The following APC2 variants were observed in gnomAD, a reference collection of about 807,000 sequenced individuals.
APC2 encodes the protein adenomatous polyposis coli protein 2.
In APC2, 41 loss-of-function variants were observed where a neutral mutation model predicts 72.5. That is an observed-to-expected ratio of 0.57 (90% confidence interval 0.44 to 0.73). The LOEUF (loss-of-function observed/expected upper bound fraction) is 0.73. Ranked by LOEUF, APC2 falls within the 30% of genes least tolerant of loss-of-function variation. The pLI is 0.00. For synonymous variants in APC2, 1,898 were observed against 1,612.0 expected (o/e 1.18, Z -4.25); for missense variants, 3,729 against 3,403.4 (o/e 1.10, Z -2.38).
upstream of APC2, chr19:1,446,237 C>A (rs1257436046): frequency 1.6e-5 from 16 of 980,014 alleles, no homozygotes; most frequent in African/African-American, 1.8e-5. The surrounding 1 kb of genome is among the most constrained non-coding windows in gnomAD (Gnocchi z 6.1). Context: ...CGCACCCCCA[C>A]CCTGGCCGCC....
chr19:1,453,392 G>A (rs1426617974), intron 3 of APC2, 39 bp from the exon 4 acceptor site: 1 of 1,610,344 alleles, frequency 6.2e-7, no homozygotes. Context: ...GGAAAGGCAG[G>A]CAGGGCCGCT....
rs10413634 is a variant in APC2, at chr19:1,466,253, C to T, written c.2952C>T (p.Thr984=). 1.3e-6 allele frequency: 2 copies of T among 1,533,476 alleles called. No homozygotes were observed. Among genetic ancestry groups the T allele is most frequent in the African/African-American group, 1.4e-5 (1 of 72,424 alleles). The allele number at this position is 1,533,476 out of a possible 1,614,324, so 95.0% of individuals were successfully genotyped here. A position where few individuals can be genotyped will look rare whatever the true frequency, so the allele number is the denominator to read the frequency against. ...CCGAGCCCCCGGCCCGCGAGGCCAC[C>T]TCCGCCGACGCCCGCGTGCGCACCA... ...CQAEPPAREA[T]SADARVRTIK... Residue 984 remains threonine (T), a synonymous_variant, in exon 15 of 15, where the codon ACC becomes ACT. Transcript: ENST00000590469.
In APC2 at chr19:1,467,582, A is replaced by G; in HGVS notation, c.4281A>G (p.Arg1427=). ...CCGGGGGACCAGCGGGCAGGCAAAG[A>G]CCCACCGGCCGCCCCACCTCTGCCA... is the stretch of plus-strand genomic sequence containing the variant. The part of the protein sequence containing the change: ...DQPGGPAGRQ[R]PTGRPTSARQ... The change falls in exon 15 of 15, where the codon AGA becomes AGG. Residue 1427 remains arginine (R), a synonymous_variant. Transcript: ENST00000590469. 1 of 1,512,206 alleles carries G rather than the reference A, an allele frequency of 6.6e-7. No homozygotes were observed. The highest frequency in any genetic ancestry group is 2.0e-5 in the Admixed American group (1 of 48,920). The allele number at this position is 1,512,206 out of a possible 1,614,324, so 93.7% of individuals were successfully genotyped here.
upstream of APC2, among the ~76,000 whole-genome samples, chr19:1,447,151 C>A (rs936726125): frequency 1.3e-5 from 2 of 152,218 alleles, no homozygotes; most frequent in Admixed American, 6.5e-5. Flanking sequence ...CTCCGGTGGC[C>A]TCCTCACCGG....
chr19:1,456,050 A>T, intron 6 of APC2, 26 bp from the exon 7 acceptor site: 2 of 1,528,840 alleles, frequency 1.3e-6, no homozygotes, highest in Non-Finnish European at 1.8e-6. Flanking sequence ...CAGCTCCAGC[A>T]CTTGCCCTCG....
chr19:1,465,055 C>T, intron 14 of APC2, 100 bp from the exon 15 acceptor site: 2 of 1,344,852 alleles, frequency 1.5e-6, no homozygotes, highest in Non-Finnish European at 2.0e-6. Context: ...CAAACCTAAC[C>T]AGATGCGTTT....
At position 1,469,610 on chromosome 19, in the gene APC2, G is replaced by T. The variant is rs145335448; in HGVS notation, c.6309G>T (p.Pro2103=). The T allele has an allele frequency of 7.9e-7, 1 of 1,258,272 alleles. No individual in the cohort carries two copies. Among genetic ancestry groups the T allele is most frequent in the Admixed American group, 3.5e-5 (1 of 28,932 alleles). 77.9% of individuals were successfully genotyped at this position (1,258,272 alleles called of 1,614,324 possible). A position where few individuals can be genotyped will look rare whatever the true frequency, so the allele number is the denominator to read the frequency against. ...CTGTCAAGCGCTACGCGTCGCTGCC[G>T]CACATCAGCGTGGCCCGCAGGCCCG... is the stretch of plus-strand genomic sequence containing the variant. ...PETVKRYASL[P]HISVARRPDG... is the part of the protein sequence containing the mutation. The change falls in exon 15 of 15, where the codon CCG becomes CCT. Residue 2103 remains proline (P), a synonymous_variant. Transcript: ENST00000590469.
upstream of APC2, chr19:1,450,033 A>C: frequency 1.3e-6 from 1 of 780,230 alleles, no homozygotes; most frequent in Non-Finnish European, 1.6e-6. Flanking sequence ...CCGGGCCGCC[A>C]TTGGCTGTTG....
chr19:1,471,547 G>A lies in APC2; in HGVS notation c.*1334G>A, dbSNP rs1290451777. 6.6e-6 allele frequency: 1 copy of A among 152,220 alleles called. No homozygotes were observed. Among genetic ancestry groups the A allele is most frequent in the Non-Finnish European group, 1.5e-5 (1 of 68,042 alleles). 9.4% of individuals were successfully genotyped at this position (152,220 alleles called of 1,614,324 possible). ...TGGGACTCGCAGGGGCCGGGTCTCC[G>A]TGACTGGGGCAACGCCTCGTCCTGC... On this transcript the variant is annotated 3_prime_UTR_variant, in exon 15 of 15. Transcript: ENST00000590469.
chr19:1,462,080 A>C lies in APC2; in HGVS notation c.1756A>C (p.Thr586Pro). 6.2e-7 allele frequency: 1 copy of C among 1,612,904 alleles called. No homozygotes were observed. Among genetic ancestry groups the C allele is most frequent in the Non-Finnish European group, 8.5e-7 (1 of 1,179,982 alleles). The change falls in exon 14 of 15, where the codon ACC (threonine) becomes CCC (proline). Residue 586 changes from threonine (T) to proline (P), a missense_variant. By Grantham distance (38) the Thr-to-Pro change is conservative. Transcript: ENST00000590469. ...GALGFLVSTL[T>P]YKCQSNSLAI... is the part of the protein sequence containing the mutation. The stretch of plus-strand genomic sequence containing the variant: ...CCTGGGCTTCCTGGTGAGCACCCTG[A>C]CCTACAAGTGTCAGAGCAACTCGCT...
In APC2 at chr19:1,467,842, C is replaced by T. The variant is rs777147894; in HGVS notation, c.4541C>T (p.Ser1514Leu). ...EAVYCFYGND[S>L]DEEPPAAAPT... ...GTGTACTGCTTCTACGGCAACGACT[C>T]GGACGAGGAGCCCCCGGCGGCCGCG... The change falls in exon 15 of 15, where the codon TCG (serine) becomes TTG (leucine). Residue 1514 changes from serine to leucine, a missense_variant. Coordinates refer to ENST00000590469, the MANE Select transcript of APC2 (RefSeq NM_005883.3). 3.3e-6 allele frequency: 5 copies of T among 1,532,132 alleles called. No individual in the cohort carries two copies. Among genetic ancestry groups the T allele is most frequent in the African/African-American group, 1.4e-5 (1 of 71,152 alleles). The allele number at this position is 1,532,132 out of a possible 1,614,324, so 94.9% of individuals were successfully genotyped here.
chr19:1,469,555 C>G lies in APC2; in HGVS notation c.6254C>G (p.Pro2085Arg). The G allele has an allele frequency of 8.1e-7, 1 of 1,231,086 alleles. No individual in the cohort carries two copies. Among genetic ancestry groups the G allele is most frequent in the Non-Finnish European group, 1.0e-6 (1 of 971,764 alleles). The allele number at this position is 1,231,086 out of a possible 1,614,324, so 76.3% of individuals were successfully genotyped here. The change falls in exon 15 of 15, where the codon CCT becomes CGT. Residue 2085 changes from proline to arginine, a missense_variant. By Grantham distance (103) the Pro-to-Arg change is moderately radical. Transcript: ENST00000590469. Reference protein sequence around the residue: ...RTTSESPSRLPVRAPAARPET... With the variant: ...RTTSESPSRLRVRAPAARPET... ...ACCTCCGAGAGCCCGTCCCGCCTGC[C>G]TGTGCGCGCGCCCGCCGCCCGGCCG... is the stretch of plus-strand genomic sequence containing the variant.
rs1200617365 is a variant in APC2 at position 1,470,602 on chromosome 19, T to C, written c.*389T>C. 2 of 178,300 alleles carry C rather than the reference T, an allele frequency of 1.1e-5. No individual in the cohort carries two copies. Among genetic ancestry groups the C allele is most frequent in the African/African-American group, 4.7e-5 (2 of 42,426 alleles). The allele number at this position is 178,300 out of a possible 1,614,324, so 11.0% of individuals were successfully genotyped here. On this transcript the variant is annotated 3_prime_UTR_variant, in exon 15 of 15. Transcript: ENST00000590469. ...GTCCGCTGCTTCGCAGGGACAGCGC[T>C]GGGGAGGTGACGGCGCCCGCCGCAG...
chr19:1,466,195 G>A lies in APC2; in HGVS notation c.2894G>A (p.Ser965Asn). Reference sequence around the variant, plus strand: ...CCCAGGTGTGGGCAGCCTCGGCCCAGCCGGCTTGACCTTGACCTGCCCGGC... The same window carrying A: ...CCCAGGTGTGGGCAGCCTCGGCCCAACCGGCTTGACCTTGACCTGCCCGGC... ...EDPRCGQPRP[S>N]RLDLDLPGCQ... is the part of the protein sequence containing the mutation. Residue 965 changes from serine (S) to asparagine (N), a missense_variant, in exon 15 of 15, where the codon AGC becomes AAC. Physicochemically the swap from Ser to Asn is conservative, Grantham distance 46. Transcript: ENST00000590469. 1 of 1,558,884 alleles carries A rather than the reference G, an allele frequency of 6.4e-7. No individual in the cohort carries two copies.
At chr19:1,455,022 G>T in intron 4 of APC2, 127 bp from the exon 5 acceptor site, 1 of 454,688 alleles carries the variant, frequency 2.2e-6, no homozygotes. Flanking sequence ...GGAGTGCCAC[G>T]GGAGAGACCT....
Position 1,460,874 on chromosome 19 carries a change from T to C in APC2, c.1521+17T>C. 2 of 1,612,926 alleles carry C rather than the reference T, an allele frequency of 1.2e-6. No homozygotes were observed. The highest frequency in any genetic ancestry group is 2.2e-5 in the East Asian group (1 of 44,866). On this transcript the variant is annotated intron_variant, in intron 12 of 14. Coordinates refer to ENST00000590469, the MANE Select transcript of APC2 (RefSeq NM_005883.3). Reference sequence around the variant, plus strand: ...CTCCACCAGGTACAGGGCGGGGTGCTGGGAAAGCCTTCCAGGGTGTCCCTG... The same window carrying C: ...CTCCACCAGGTACAGGGCGGGGTGCCGGGAAAGCCTTCCAGGGTGTCCCTG...
upstream of APC2, among the ~76,000 whole-genome samples, chr19:1,449,426 G>A (rs940759845): frequency 6.6e-6 from 1 of 152,150 alleles, no homozygotes; most frequent in East Asian, 1.9e-4. Context: ...TCTGGCCTTC[G>A]GTCCGTGAGG....
rs2084071432 is a variant in APC2, at chr19:1,468,652, T to G, written c.5351T>G (p.Val1784Gly). The G allele has an allele frequency of 8.2e-6, 13 of 1,588,048 alleles. No homozygotes were observed. The highest frequency in any genetic ancestry group is 1.4e-5 in the African/African-American group (1 of 73,978). ...PRGTQKTTPG[V>G]PAVLRGRTVI... ...GGCACACAGAAGACCACGCCCGGGGTGCCAGCTGTGCTCCGGGGACGAACA... is the reference window on the plus strand; with the variant it reads ...GGCACACAGAAGACCACGCCCGGGGGGCCAGCTGTGCTCCGGGGACGAACA... The change falls in exon 15 of 15, where the codon GTG becomes GGG. Residue 1784 changes from valine (V) to glycine (G), a missense_variant. Transcript: ENST00000590469.
chr19:1,464,057 C>A (rs1210761440), intron 14 of APC2, among the ~76,000 whole-genome samples: 4 of 151,974 alleles, frequency 2.6e-5, no homozygotes, highest in Non-Finnish European at 4.4e-5. Context: ...GCCTGTAATC[C>A]CAGCACTTTG....
Sources: allele counts gnomAD v4.1 joint callset (sites outside exome capture counted in the v4.1 genomes callset), GRCh38; gene constraint gnomAD v4.1.1; non-coding constraint Gnocchi (gnomAD v3.1); transcripts MANE v1.5; gene names NCBI Gene and HGNC (gene_info 2026-07-23, HGNC 2026-07-21).